IFT172: variants seen among roughly 807,000 people sequenced by gnomAD.
IFT172 encodes intraflagellar transport 172.
In IFT172, 164 loss-of-function variants were observed where a neutral mutation model predicts 248.9. That is an observed-to-expected ratio of 0.66 (90% CI 0.58 to 0.75). IFT172 has a LOEUF of 0.75. Ranked by LOEUF, IFT172 falls within the 30% of genes least tolerant of loss-of-function variation. The pLI, the probability that IFT172 is intolerant of heterozygous loss-of-function variation, is 0.00. For synonymous variants in IFT172, 729 were observed against 791.6 expected (o/e 0.92, Z 1.33); for missense variants, 1,950 against 2,192.4 (o/e 0.89, Z 2.21).
intron 7 of IFT172, among the ~76,000 whole-genome samples, chr2:27,481,643 C>A (rs1330044996): frequency 6.6e-6 from 1 of 151,612 alleles, no homozygotes; most frequent in African/African-American, 2.4e-5. Context: ...CAGGTTCAAG[C>A]GATTCTCCTG....
Position 27,449,034 on chromosome 2 carries a change from G to GT in IFT172, c.4312-4dup, listed in dbSNP as rs1328136934. The GT allele has an allele frequency of 1.3e-6, 2 of 1,520,036 alleles. No homozygotes were observed. The highest frequency in any genetic ancestry group is 2.7e-5 in the African/African-American group (2 of 73,202). 94.2% of individuals were successfully genotyped at this position (1,520,036 alleles called of 1,614,324 possible). On this transcript the variant is annotated splice_region_variant and splice_polypyrimidine_tract_variant and intron_variant, in intron 39 of 47. Coordinates refer to ENST00000260570, the MANE Select transcript of IFT172 (RefSeq NM_015662.3). Reference sequence around the variant, plus strand: ...TACTTGTGCAGAATCTTGTAGTTCTGTACAGGGGTGGAGGAAAAGCATGAG... The same window carrying GT: ...TACTTGTGCAGAATCTTGTAGTTCTGTTACAGGGGTGGAGGAAAAGCATGAG...
At chr2:27,481,542 T>C (rs952612198) in intron 7 of IFT172, among the ~76,000 whole-genome samples, 1 of 150,966 alleles carries the variant, frequency 6.6e-6, no homozygotes, top group Admixed American at 6.6e-5. Flanking sequence ...AATTTTCTTT[T>C]TTCTTTTTTT....
At chr2:27,459,890 T>A (rs1312965564) in intron 23 of IFT172, 61 bp from the exon 24 acceptor site, 1 of 1,595,018 alleles carries the variant, frequency 6.3e-7, no homozygotes, top group Non-Finnish European at 8.5e-7. Flanking sequence ...AGGAAAAAGG[T>A]AGGACAGGGA....
chr2:27,470,586 C>T (rs1572793485), intron 16 of IFT172, among the ~76,000 whole-genome samples: 1 of 152,012 alleles, frequency 6.6e-6, no homozygotes, highest in East Asian at 1.9e-4. Context: ...GAAAAAAAGG[C>T]ACTTTGAATG....
chr2:27,483,736 C>G, intron 5 of IFT172, 77 bp from the exon 6 acceptor site: 1 of 1,529,744 alleles, frequency 6.5e-7, no homozygotes, highest in Non-Finnish European at 9.0e-7. Flanking sequence ...AAAGGAAAAA[C>G]TGTCCCACAA....
intron 30 of IFT172, chr2:27,455,879 T>G: frequency 2.5e-6 from 1 of 400,338 alleles, no homozygotes; most frequent in South Asian, 2.0e-5. Context: ...AATACATATT[T>G]ACAAATAAAA....
intron 42 of IFT172, among the ~76,000 whole-genome samples, chr2:27,447,301 G>C (rs1659608621): frequency 6.6e-6 from 1 of 152,220 alleles, no homozygotes; most frequent in Non-Finnish European, 1.5e-5. Context: ...AACATAATGA[G>C]GCTGAGGCTG....
In IFT172 at chr2:27,485,018, C is replaced by T. The variant is rs1668654133; in HGVS notation, c.296G>A (p.Trp99Ter). 1 of 1,514,562 alleles carries T rather than the reference C, an allele frequency of 6.6e-7. No individual in the cohort carries two copies. Among genetic ancestry groups the T allele is most frequent in the Non-Finnish European group, 9.2e-7 (1 of 1,090,620 alleles). The allele number at this position is 1,514,562 out of a possible 1,614,324, so 93.8% of individuals were successfully genotyped here. ...IIYVYKIGED[W>*]GDKKVICNKF... ...CCCATCTCCCAGTCTCTATCCTCACCAATCTTCTCCAATCTTGTAGACATA... is the reference window on the plus strand; with the variant it reads ...CCCATCTCCCAGTCTCTATCCTCACTAATCTTCTCCAATCTTGTAGACATA... Residue 99 changes from tryptophan to a stop codon, truncating the protein, a stop_gained and splice_region_variant, in exon 3 of 48, where the codon TGG becomes TAG. Coordinates refer to ENST00000260570, the MANE Select transcript of IFT172 (RefSeq NM_015662.3). LOFTEE classifies it high-confidence loss of function.
chr2:27,478,394 C>T (rs1257349006), intron 10 of IFT172, among the ~76,000 whole-genome samples: 3 of 152,170 alleles, frequency 2.0e-5, no homozygotes, highest in Admixed American at 1.3e-4. Flanking sequence ...TCTGAAAGTT[C>T]CACTGGGTAA....
Position 27,445,804 on chromosome 2 carries a change from CAG to C in IFT172, c.4853_4854del (p.Ser1618Ter), listed in dbSNP as rs1375553544. The C allele has an allele frequency of 6.2e-7, 1 of 1,614,146 alleles. No individual in the cohort carries two copies. The highest frequency in any genetic ancestry group is 8.5e-7 in the Non-Finnish European group (1 of 1,180,026). The stretch of plus-strand genomic sequence containing the variant: ...AAGGGAATGTCTGTATCCTGAAAAT[CAG>C]AGTGGTCAAGGCCATCTAGAGTCCC... ...EEGTLDGLDHSDFQDTDIPFE... is the reference protein window; with the variant it reads ...EEGTLDGLDHXDFQDTDIPFE... On this transcript the variant is annotated frameshift_variant, in exon 45 of 48. Transcript: ENST00000260570. LOFTEE classifies it high-confidence loss of function. This position sits in a 1 kb window ranked among gnomAD's most constrained non-coding sequence, Gnocchi z 4.4.
rs1244160875 is a variant in IFT172, at chr2:27,465,808, G to A, written c.1767C>T (p.Ala589=). 6.2e-7 allele frequency: 1 copy of A among 1,613,944 alleles called. No homozygotes were observed. The highest frequency in any genetic ancestry group is 8.5e-7 in the Non-Finnish European group (1 of 1,180,010). Reference sequence around the variant, plus strand: ...CGATGAGGCCCTCATCCAATGTGTAGGCAACAGTAGTCACACCTTCCATCA... The same window carrying A: ...CGATGAGGCCCTCATCCAATGTGTAAGCAACAGTAGTCACACCTTCCATCA... ...VMVMEGVTTV[A]YTLDEGLIEF... is the part of the protein sequence containing the mutation. The change falls in exon 17 of 48, where the codon GCC becomes GCT. Residue 589 remains alanine, a synonymous_variant. Transcript: ENST00000260570.
chr2:27,457,962 A>G lies in IFT172; in HGVS notation c.2990T>C (p.Val997Ala). 1 of 1,614,138 alleles carries G rather than the reference A, an allele frequency of 6.2e-7. No individual in the cohort carries two copies. Among genetic ancestry groups the G allele is most frequent in the Non-Finnish European group, 8.5e-7 (1 of 1,180,022 alleles). ...GGTGATGGCAAGATCAGGCTCTTGT[A>G]CTGTCACATATAGCCTGGGGAAGGA... is the stretch of plus-strand genomic sequence containing the variant. ...YREAERLYVT[V>A]QEPDLAITMY... Residue 997 changes from valine to alanine, a missense_variant, in exon 28 of 48, where the codon GTA (valine) becomes GCA (alanine). By Grantham distance (64) the Val-to-Ala change is moderately conservative. This residue lies in a region of IFT172 where 1,166 missense variants were observed against 1,254.1 expected (regional missense o/e 0.93). Transcript: ENST00000260570.
intron 15 of IFT172, chr2:27,471,626 G>A (rs943674774): frequency 6.2e-6 from 1 of 162,476 alleles, no homozygotes; most frequent in Non-Finnish European, 1.3e-5. Flanking sequence ...ATGAGGAGGA[G>A]GAATGCAGGG....
chr2:27,459,571 G>A, intron 24 of IFT172, 49 bp from the exon 25 acceptor site: 1 of 1,609,280 alleles, frequency 6.2e-7, no homozygotes, highest in South Asian at 1.1e-5. Context: ...AGATGAAGAT[G>A]AATGGAGGTA....
rs75809198 is a variant in IFT172, at chr2:27,481,275, G to C, written c.571-15C>G. 24,445 of 1,602,768 alleles carry C rather than the reference G, an allele frequency of 0.015. 222 individuals carry two copies. The highest frequency in any genetic ancestry group is 0.018 in the Non-Finnish European group (21,532 of 1,173,672). On this transcript the variant is annotated splice_polypyrimidine_tract_variant and intron_variant, in intron 7 of 47. Coordinates refer to ENST00000260570, the MANE Select transcript of IFT172 (RefSeq NM_015662.3). The stretch of plus-strand genomic sequence containing the variant: ...ACCAACTTCCCCTAAGACAGAAGTA[G>C]AGGGTTTCAATCACTCTTCGAAGAC...
intron 20 of IFT172, 144 bp from the exon 21 acceptor site, chr2:27,461,980 C>A (rs1013175085): frequency 2.0e-5 from 15 of 758,074 alleles, no homozygotes; most frequent in Non-Finnish European, 2.8e-5. Context: ...TACTGGGAAA[C>A]TAAAAGAAGC....
chr2:27,458,042 A>G, intron 27 of IFT172, 66 bp from the exon 28 acceptor site: 1 of 1,612,448 alleles, frequency 6.2e-7, no homozygotes, highest in South Asian at 1.1e-5. Flanking sequence ...TTCTGGGCAG[A>G]GGGTACACAT....
chr2:27,489,622 C>T lies in IFT172; in HGVS notation c.32G>A (p.Ser11Asn), dbSNP rs1252190644. 6.2e-7 allele frequency: 1 copy of T among 1,612,606 alleles called. No individual in the cohort carries two copies. Reference protein sequence around the residue: MHLKHLRTLLSPQDGAAKVTC... With the variant: MHLKHLRTLLNPQDGAAKVTC... ...TGGCACGCAATTCCTCACCTGAGGG[C>T]TCAGCAGGGTCCTCAGGTGCTTCAA... Residue 11 changes from serine to asparagine, a missense_variant, in exon 1 of 48, where the codon AGC (serine) becomes AAC (asparagine). By Grantham distance (46) the Ser-to-Asn change is conservative. This residue lies in a region of IFT172 where 1,166 missense variants were observed against 1,254.1 expected (regional missense o/e 0.93). Transcript: ENST00000260570.
At chr2:27,453,929 G>A in intron 33 of IFT172, 53 bp downstream of exon 33, 1 of 1,548,986 alleles carries the variant, frequency 6.5e-7, no homozygotes, top group South Asian at 1.2e-5. Flanking sequence ...GGCTCTCTGT[G>A]GGCTCTTACA....
Sources: gnomAD v4.1 joint callset for allele counts (sites outside exome capture counted in the v4.1 genomes callset) on GRCh38, gnomAD v4.1.1 for gene constraint, gnomAD v4.1.1 regional missense constraint, Gnocchi (gnomAD v3.1) non-coding constraint, MANE v1.5 for transcripts, NCBI Gene and HGNC (gene_info 2026-07-23, HGNC 2026-07-21) for gene names.